The following SORCS3 variants were observed in gnomAD, a reference collection of about 807,000 sequenced individuals.
SORCS3 encodes sortilin related VPS10 domain containing receptor 3, also known as VPS10 domain-containing receptor SorCS3.
Under a neutral mutation model 146.3 loss-of-function variants are expected in SORCS3, and 57 were observed. That is an observed-to-expected ratio of 0.39 (90% CI 0.31 to 0.49). The LOEUF (loss-of-function observed/expected upper bound fraction) is 0.49. Among genes scored for constraint, SORCS3 ranks in the 20% least tolerant of loss-of-function variants. The pLI is 0.92. For synonymous variants in SORCS3, 653 were observed against 618.5 expected, an observed-to-expected ratio of 1.06 and a Z score of -0.83; for missense variants, 1,341 against 1,575.5, an observed-to-expected ratio of 0.85 and a Z score of 2.52.
intron 15 of SORCS3, among the ~76,000 whole-genome samples, chr10:105,200,488 C>T (rs1486665237): frequency 6.6e-6 from 1 of 152,070 alleles, no homozygotes; most frequent in Non-Finnish European, 1.5e-5. Flanking sequence ...CTCAGACTAG[C>T]CTGAAATAAG....
chr10:104,802,822 C>T (rs775841677), intron 1 of SORCS3, among the ~76,000 whole-genome samples: 2 of 152,182 alleles, frequency 1.3e-5, no homozygotes, highest in African/African-American at 2.4e-5. Context: ...TGAGTTTTTT[C>T]ACTCTTTTCT....
intron 8 of SORCS3, among the ~76,000 whole-genome samples, chr10:105,144,518 A>C (rs946275317): frequency 1.3e-5 from 2 of 152,184 alleles, no homozygotes; most frequent in African/African-American, 4.8e-5. Flanking sequence ...CTAGGAAGTC[A>C]CAGGTTTTAG....
intron 1 of SORCS3, among the ~76,000 whole-genome samples, chr10:104,787,990 C>T (rs1484365842): frequency 3.3e-5 from 5 of 152,174 alleles, no homozygotes; most frequent in Non-Finnish European, 7.3e-5. Context: ...CCTGGGCAGC[C>T]TCCTTCCAGC....
At chr10:105,063,248 G>A (rs990458658) in intron 5 of SORCS3, among the ~76,000 whole-genome samples, 2 of 152,196 alleles carry the variant, frequency 1.3e-5, no homozygotes, top group Admixed American at 6.5e-5. Flanking sequence ...CAGGAAACCA[G>A]CAGCCATTTT....
At chr10:104,761,469 C>T in intron 1 of SORCS3, among the ~76,000 whole-genome samples, 1 of 152,146 alleles carries the variant, frequency 6.6e-6, no homozygotes, top group East Asian at 1.9e-4. Context: ...GAAATGGCTC[C>T]TGCAGGCCTA....
intron 17 of SORCS3, among the ~76,000 whole-genome samples, chr10:105,212,466 G>T (rs924133059): frequency 1.3e-5 from 2 of 152,170 alleles, no homozygotes; most frequent in Admixed American, 1.3e-4. Flanking sequence ...CCCAGTCAGG[G>T]CCTAAGCTGA....
chr10:105,071,593 C>T (rs917991452), intron 5 of SORCS3, among the ~76,000 whole-genome samples: 3 of 152,146 alleles, frequency 2.0e-5, no homozygotes, highest in Admixed American at 1.3e-4. Context: ...TGTTTTGATA[C>T]AGGCATGCGA....
At chr10:105,136,205 T>A (rs1307992485) in intron 7 of SORCS3, among the ~76,000 whole-genome samples, 1 of 152,210 alleles carries the variant, frequency 6.6e-6, no homozygotes, top group Non-Finnish European at 1.5e-5. Flanking sequence ...GGGAAGTCCA[T>A]GACAAAGACC....
At chr10:104,878,866 C>A (rs569634478) in intron 2 of SORCS3, among the ~76,000 whole-genome samples, 2 of 152,102 alleles carry the variant, frequency 1.3e-5, no homozygotes, top group Non-Finnish European at 2.9e-5. Context: ...GGCATAGATG[C>A]GACCATTGAT....
intron 6 of SORCS3, among the ~76,000 whole-genome samples, chr10:105,101,753 G>A (rs2055786711): frequency 6.6e-6 from 1 of 152,184 alleles, no homozygotes; most frequent in African/African-American, 2.4e-5. Context: ...GAACCAGTGT[G>A]TGGGAATAAG....
intron 6 of SORCS3, among the ~76,000 whole-genome samples, chr10:105,092,608 AACACACACACACACACAC>A (rs61665816): frequency 6.8e-6 from 1 of 147,268 alleles, no homozygotes; most frequent in Non-Finnish European, 1.5e-5. Flanking sequence ...TGCATTCACA[AACACACACACACACACAC>A]ACACACACAC....
chr10:105,154,730 T>C (rs565727251), intron 9 of SORCS3, among the ~76,000 whole-genome samples: 1 of 152,352 alleles, frequency 6.6e-6, no homozygotes, highest in South Asian at 2.1e-4. Flanking sequence ...TTCATAATAC[T>C]TTTGTCTTAG....
At chr10:104,882,427 A>G (rs1370746225) in intron 2 of SORCS3, among the ~76,000 whole-genome samples, 1 of 152,214 alleles carries the variant, frequency 6.6e-6, no homozygotes, top group Non-Finnish European at 1.5e-5. Context: ...TGACTATCAG[A>G]GCATCAGCTT....
chr10:104,641,583 G>A lies in SORCS3; in HGVS notation c.256G>A (p.Gly86Arg), dbSNP rs979252992. 5 of 1,485,362 alleles carry A rather than the reference G, an allele frequency of 3.4e-6. No individual in the cohort carries two copies. In the African/African-American group the frequency reaches 4.4e-5, roughly 13 times the overall value. The allele number at this position is 1,485,362 out of a possible 1,614,324, so 92.0% of individuals were successfully genotyped here. ...AGCCGCCGTGCTGGGGCGCCGGGCC[G>A]GACCAGAGCTGCTGCCCCAGCAGGG... ...RRAAVLGRRA[G>R]PELLPQQGGG... Residue 86 changes from glycine to arginine, a missense_variant, in exon 1 of 27, where the codon GGA (glycine) becomes AGA (arginine). Coordinates refer to ENST00000369701, the MANE Select transcript of SORCS3 (RefSeq NM_014978.3). This position sits in a 1 kb window ranked among gnomAD's most constrained non-coding sequence, Gnocchi z 6.4.
chr10:105,242,236 T>TTA (rs201673427), intron 20 of SORCS3, among the ~76,000 whole-genome samples: 12 of 142,666 alleles, frequency 8.4e-5, no homozygotes, highest in Admixed American at 2.2e-4. Flanking sequence ...TTGTTATCAT[T>TTA]TATATATATA....
At chr10:104,705,244 T>C (rs78788377) in intron 1 of SORCS3, among the ~76,000 whole-genome samples, 1 of 111,114 alleles carries the variant, frequency 9.0e-6, no homozygotes, top group Non-Finnish European at 2.0e-5. Flanking sequence ...TTTTTTTTTT[T>C]AATTGGTCTG....
chr10:105,115,383 C>T (rs1182478527), intron 7 of SORCS3, among the ~76,000 whole-genome samples: 1 of 152,152 alleles, frequency 6.6e-6, no homozygotes, highest in African/African-American at 2.4e-5. Context: ...CAAAAATCAG[C>T]CTCACTGTTT....
chr10:105,067,505 C>A (rs559989352), intron 5 of SORCS3, among the ~76,000 whole-genome samples: 1 of 152,154 alleles, frequency 6.6e-6, no homozygotes, highest in Non-Finnish European at 1.5e-5. Flanking sequence ...CCTGCCTGGG[C>A]GACAGACTGA....
At chr10:105,227,317 AAGCATATC>A (rs1299138593) in intron 20 of SORCS3, among the ~76,000 whole-genome samples, 1 of 151,964 alleles carries the variant, frequency 6.6e-6, no homozygotes, top group Non-Finnish European at 1.5e-5. Context: ...CAACATTCAG[AAGCATATC>A]ATTTAATTTC....
Sources: gnomAD v4.1 joint callset for allele counts (sites outside exome capture counted in the v4.1 genomes callset) on GRCh38, gnomAD v4.1.1 for gene constraint, Gnocchi (gnomAD v3.1) non-coding constraint, MANE v1.5 for transcripts, NCBI Gene and HGNC (gene_info 2026-07-23, HGNC 2026-07-21) for gene names.